Variants in DIAPH2 observed in about 807,000 individuals in gnomAD.
DIAPH2 encodes the protein protein diaphanous homolog 2.
A neutral mutation model predicts 92.7 loss-of-function variants in DIAPH2; 35 were observed. That is an observed-to-expected ratio of 0.38 (90% confidence interval 0.29 to 0.50). The LOEUF is 0.50. DIAPH2 is among the 20% of genes least tolerant of loss of function. The pLI, the probability that DIAPH2 is intolerant of heterozygous loss-of-function variation, is 0.94. For synonymous variants in DIAPH2, 301 were observed against 280.4 expected, an observed-to-expected ratio of 1.07 and a Z score of -0.73; for missense variants, 701 against 819.5, an observed-to-expected ratio of 0.86 and a Z score of 1.77.
In DIAPH2 at chrX:97,233,911, T is replaced by G. The variant is rs1399726916; in HGVS notation, c.2720-13804T>G. ...GTTAAATTAACATTCTATTGATACA[T>G]TCAACAGAATAAACTTATATAATCA... On this transcript the variant is annotated intron_variant, in intron 22 of 26. Transcript: ENST00000324765. Among the ~76,000 whole-genome samples, 3 of 111,728 alleles carry G rather than the reference T, an allele frequency of 2.7e-5. No homozygotes were observed. The East Asian group carries it at 8.4e-4, about 31-fold the overall frequency.
intron 23 of DIAPH2, among the ~76,000 whole-genome samples, chrX:97,307,473 C>T (rs1352568251): frequency 1.8e-5 from 2 of 111,495 alleles, no homozygotes. Context: ...ATAGATTTTG[C>T]CAGAGGAGAT....
chrX:97,426,612 C>T lies in DIAPH2; in HGVS notation c.3146-3038C>T, dbSNP rs1170063950. On this transcript the variant is annotated intron_variant, in intron 25 of 26. Transcript: ENST00000324765. The stretch of plus-strand genomic sequence containing the variant: ...GCTAAAATTTCCCTGCCTTTTGTCT[C>T]ACCATCCTCTGAGTCATTCTCCACA... Among the ~76,000 whole-genome samples the T allele has an allele frequency of 1.1e-4, 12 of 110,885 alleles. No individual in the cohort carries two copies. In the Admixed American group the frequency reaches 1.2e-3, roughly 11 times the overall value.
intron 13 of DIAPH2, among the ~76,000 whole-genome samples, chrX:96,942,669 C>T (rs761036127): frequency 2.7e-5 from 3 of 111,132 alleles, no homozygotes; most frequent in Non-Finnish European, 5.7e-5. Context: ...TCATATTCAT[C>T]TCCTTAGATT....
intron 4 of DIAPH2, among the ~76,000 whole-genome samples, chrX:96,811,699 A>C (rs1406655118): frequency 8.9e-6 from 1 of 111,832 alleles, no homozygotes; most frequent in African/African-American, 3.3e-5. Flanking sequence ...CATTCTGTCA[A>C]TATCTAGTTT....
At chrX:97,073,584 TA>T (rs1446388347) in intron 18 of DIAPH2, among the ~76,000 whole-genome samples, 3 of 112,274 alleles carry the variant, frequency 2.7e-5, no homozygotes, top group African/African-American at 9.7e-5. Flanking sequence ...CATCTTCATT[TA>T]TGTAAGCCTT....
chrX:96,810,320 T>G (rs1209652707), intron 4 of DIAPH2, among the ~76,000 whole-genome samples: 3 of 112,546 alleles, frequency 2.7e-5, no homozygotes, highest in Admixed American at 1.9e-4. Context: ...TGTCTTCTTT[T>G]GAGAAGTGTC....
chrX:96,696,061 GT>G (rs1443139898), intron 1 of DIAPH2, among the ~76,000 whole-genome samples: 3 of 111,744 alleles, frequency 2.7e-5, no homozygotes, highest in Non-Finnish European at 5.6e-5. Context: ...CCTATTAAGT[GT>G]TTTTTAGGAG....
chrX:96,937,823 A>C (rs184673551), intron 11 of DIAPH2, among the ~76,000 whole-genome samples: 113 of 112,340 alleles, frequency 1.0e-3, no homozygotes, highest in African/African-American at 3.6e-3. Flanking sequence ...TAGATGCAAT[A>C]GAATCTGAAT....
At chrX:96,732,581 G>T (rs2064062521) in intron 1 of DIAPH2, among the ~76,000 whole-genome samples, 1 of 111,848 alleles carries the variant, frequency 8.9e-6, no homozygotes, top group African/African-American at 3.2e-5. Flanking sequence ...GGAGTGGGGT[G>T]TTTTTCTTTA....
chrX:97,310,746 C>T (rs187900531), intron 23 of DIAPH2, among the ~76,000 whole-genome samples: 2 of 111,377 alleles, frequency 1.8e-5, no homozygotes, highest in Admixed American at 9.6e-5. Flanking sequence ...GGGTGGCTCG[C>T]GACTGTAATC....
chrX:97,174,865 T>C (rs1160849818), intron 22 of DIAPH2, among the ~76,000 whole-genome samples: 6 of 112,136 alleles, frequency 5.4e-5, no homozygotes, highest in Admixed American at 3.8e-4. Flanking sequence ...CTGACATTTG[T>C]AGACATCATC....
chrX:97,372,593 T>C (rs2069458362), intron 24 of DIAPH2, among the ~76,000 whole-genome samples: 1 of 111,953 alleles, frequency 8.9e-6, no homozygotes, highest in Non-Finnish European at 1.9e-5. Context: ...GGGAGTCACT[T>C]ATACAACTAA....
chrX:97,384,348 G>A (rs1472795114), intron 25 of DIAPH2, among the ~76,000 whole-genome samples: 1 of 111,793 alleles, frequency 8.9e-6, no homozygotes, highest in Admixed American at 9.6e-5. Flanking sequence ...GAGATGAAAT[G>A]TGAAAAACGG....
chrX:97,270,256 G>T (rs1452087513), intron 23 of DIAPH2, among the ~76,000 whole-genome samples: 1 of 110,268 alleles, frequency 9.1e-6, no homozygotes, highest in Non-Finnish European at 1.9e-5. Context: ...TAGAAATAGG[G>T]TTTCTCCATG....
intron 26 of DIAPH2, among the ~76,000 whole-genome samples, chrX:97,550,056 A>C (rs2071208961): frequency 8.9e-6 from 1 of 112,806 alleles, no homozygotes; most frequent in South Asian, 3.7e-4. Context: ...TATTTCAAAA[A>C]ACAGTATTAC....
intron 23 of DIAPH2, among the ~76,000 whole-genome samples, chrX:97,331,928 A>C (rs1454250816): frequency 9.0e-6 from 1 of 111,514 alleles, no homozygotes; most frequent in Non-Finnish European, 1.9e-5. Flanking sequence ...GAAAATATAT[A>C]GTATTTCAAT....
At chrX:97,171,355 C>T (rs1241959806) in intron 22 of DIAPH2, among the ~76,000 whole-genome samples, 1 of 112,097 alleles carries the variant, frequency 8.9e-6, no homozygotes, top group African/African-American at 3.2e-5. Flanking sequence ...TAATTATAGT[C>T]TTTCATTAGC....
At chrX:96,935,228 CTTA>C (rs1374516508) in intron 10 of DIAPH2, among the ~76,000 whole-genome samples, 1 of 111,323 alleles carries the variant, frequency 9.0e-6, no homozygotes, top group South Asian at 3.7e-4. Flanking sequence ...GGATACCCAT[CTTA>C]TTATTTGTAC....
chrX:96,798,002 C>A (rs1254796216), intron 4 of DIAPH2, among the ~76,000 whole-genome samples: 2 of 112,643 alleles, frequency 1.8e-5, no homozygotes, highest in Non-Finnish European at 3.7e-5. Context: ...ATACTCAAGT[C>A]TCTTACATAA....
Sources: gnomAD v4.1 joint callset for allele counts (sites outside exome capture counted in the v4.1 genomes callset) on GRCh38, gnomAD v4.1.1 for gene constraint, MANE v1.5 for transcripts, NCBI Gene and HGNC (gene_info 2026-07-23, HGNC 2026-07-21) for gene names.